The following ATP13A4 variants were observed in gnomAD, a reference collection of about 807,000 sequenced individuals.
The protein encoded by ATP13A4 is probable cation-transporting ATPase 13A4.
In ATP13A4, 114 loss-of-function variants were observed where a neutral mutation model predicts 142.5. That is an observed-to-expected ratio of 0.80 (90% CI 0.69 to 0.93). The LOEUF (loss-of-function observed/expected upper bound fraction) is 0.93. Ranked by LOEUF, ATP13A4 falls within the 40% of genes least tolerant of loss-of-function variation. The pLI, the probability that ATP13A4 is intolerant of heterozygous loss-of-function variation, is 0.00. For missense variants in ATP13A4, 1,392 were observed against 1,454.0 expected (o/e 0.96, Z 0.69); for synonymous variants, 488 against 514.8 (o/e 0.95, Z 0.70).
intron 2 of ATP13A4, among the ~76,000 whole-genome samples, chr3:193,562,115 T>C (rs1724029767): frequency 6.6e-6 from 1 of 152,052 alleles, no homozygotes; most frequent in African/African-American, 2.4e-5. Flanking sequence ...TCACCAGTGG[T>C]GTGTGTCAGT....
At chr3:193,546,256 A>G (rs1006136677) in intron 1 of ATP13A4, among the ~76,000 whole-genome samples, 1 of 152,176 alleles carries the variant, frequency 6.6e-6, no homozygotes, top group Non-Finnish European at 1.5e-5. Flanking sequence ...TCACCAGATC[A>G]TCACATTCAG....
intron 13 of ATP13A4, among the ~76,000 whole-genome samples, chr3:193,460,510 A>G (rs1281072922): frequency 6.6e-6 from 1 of 151,962 alleles, no homozygotes; most frequent in Non-Finnish European, 1.5e-5. Context: ...CTTCATATTG[A>G]CCCTGTTAGT....
intron 28 of ATP13A4, among the ~76,000 whole-genome samples, chr3:193,410,583 A>G (rs1714718220): frequency 6.6e-6 from 1 of 152,078 alleles, no homozygotes; most frequent in Non-Finnish European, 1.5e-5. Context: ...GCTGGGCATC[A>G]TGGCACACTT....
Position 193,407,455 on chromosome 3 carries a change from C to T in ATP13A4, c.3298-62G>A, listed in dbSNP as rs571574052. ...CACGCAGATGCTGGAAACATGCTCA[C>T]ATGTTCACAGCATATATTTTCCTAG... On this transcript the variant is annotated intron_variant, in intron 28 of 29. Coordinates refer to ENST00000342695, the MANE Select transcript of ATP13A4 (RefSeq NM_032279.4). The T allele has an allele frequency of 4.0e-5, 52 of 1,295,356 alleles. No homozygotes were observed. The East Asian group carries it at 1.1e-3, about 28-fold the overall frequency. The allele number at this position is 1,295,356 out of a possible 1,614,324, so 80.2% of individuals were successfully genotyped here. A position where few individuals can be genotyped will look rare whatever the true frequency, so the allele number is the denominator to read the frequency against.
chr3:193,590,976 T>C (rs1032966284), intron 1 of ATP13A4, among the ~76,000 whole-genome samples: 7 of 152,244 alleles, frequency 4.6e-5, no homozygotes, highest in African/African-American at 1.4e-4. Context: ...GAATTGAAGG[T>C]TGATGTTGTT....
intron 1 of ATP13A4, among the ~76,000 whole-genome samples, chr3:193,517,991 G>C (rs1409814726): frequency 1.3e-5 from 2 of 152,148 alleles, no homozygotes; most frequent in Non-Finnish European, 2.9e-5. Flanking sequence ...TAAACTGGAG[G>C]CTCAAAAGGA....
chr3:193,573,895 C>T (rs1724341139), intron 2 of ATP13A4, among the ~76,000 whole-genome samples: 1 of 152,148 alleles, frequency 6.6e-6, no homozygotes, highest in South Asian at 2.1e-4. Flanking sequence ...AAGTTAAGTG[C>T]TAATAATTGT....
chr3:193,514,662 G>C, intron 2 of ATP13A4, 36 bp downstream of exon 2: 1 of 1,593,538 alleles, frequency 6.3e-7, no homozygotes, highest in African/African-American at 1.3e-5. Flanking sequence ...AGAAACAAAA[G>C]GGGGGCACCA....
At chr3:193,592,832 A>G (rs1724871736) in intron 1 of ATP13A4, among the ~76,000 whole-genome samples, 1 of 152,202 alleles carries the variant, frequency 6.6e-6, no homozygotes. Context: ...GCAAATGTGC[A>G]AGCATTAGTT....
At chr3:193,502,048 G>A (rs1270018281) in intron 3 of ATP13A4, among the ~76,000 whole-genome samples, 2 of 152,110 alleles carry the variant, frequency 1.3e-5, no homozygotes, top group Non-Finnish European at 2.9e-5. Flanking sequence ...GATCACTTGA[G>A]CCCAGGAGTT....
intron 5 of ATP13A4, among the ~76,000 whole-genome samples, 188 bp from the exon 6 acceptor site, chr3:193,491,586 C>T (rs560883360): frequency 8.6e-5 from 13 of 151,606 alleles, no homozygotes; most frequent in Admixed American, 1.3e-4. Flanking sequence ...GTTGCAAAAA[C>T]GATAAATATG....
Position 193,514,747 on chromosome 3 carries a change from C to A in ATP13A4, c.185G>T (p.Cys62Phe), listed in dbSNP as rs746825257. 2.2e-5 allele frequency: 36 copies of A among 1,614,052 alleles called. No homozygotes were observed. The highest frequency in any genetic ancestry group is 3.1e-5 in the Non-Finnish European group (36 of 1,180,026). The change falls in exon 2 of 30, where the codon TGT (cysteine) becomes TTT (phenylalanine). Residue 62 changes from cysteine (C) to phenylalanine (F), a missense_variant. By Grantham distance (205) the Cys-to-Phe change is radical. Coordinates refer to ENST00000342695, the MANE Select transcript of ATP13A4 (RefSeq NM_032279.4). ...TGCTTCTTGCAAGGAACATGGGACA[C>A]AATGTGCCCATACGTGCCATGCTGG... ...WRPAWHVWAH[C>F]VPCSLQEADT...
intron 15 of ATP13A4, 91 bp from the exon 16 acceptor site, chr3:193,457,244 C>A (rs1371548780): frequency 6.3e-7 from 1 of 1,585,524 alleles, no homozygotes; most frequent in African/African-American, 1.3e-5. Flanking sequence ...TTCATTTTAA[C>A]AAATAAGGGG....
Position 193,441,509 on chromosome 3 carries a change from G to A in ATP13A4, c.2396C>T (p.Ser799Phe). The stretch of plus-strand genomic sequence containing the variant: ...GAAATGTTGACTTATAACATGAAAG[G>A]ATTTTCCAGTTAGGGCAAAATGGTA... ...GSYHFALTGK[S>F]FHVISQHFSS... The change falls in exon 20 of 30, where the codon TCC (serine) becomes TTC (phenylalanine). Residue 799 changes from serine (S) to phenylalanine (F), a missense_variant. Transcript: ENST00000342695. 6.2e-7 allele frequency: 1 copy of A among 1,613,720 alleles called. No individual in the cohort carries two copies.
chr3:193,436,718 T>C (rs556841993), intron 23 of ATP13A4, among the ~76,000 whole-genome samples: 5 of 149,716 alleles, frequency 3.3e-5, no homozygotes, highest in Non-Finnish European at 5.9e-5. Context: ...TCCCAAAGTG[T>C]TGGGATTACA....
chr3:193,556,626 T>TGG (rs369456477), upstream of ATP13A4, among the ~76,000 whole-genome samples: 5 of 151,296 alleles, frequency 3.3e-5, no homozygotes, highest in African/African-American at 7.3e-5. Flanking sequence ...AAAGGGTTTA[T>TGG]GGGGGGGGTA....
rs1381560607 is a variant in ATP13A4 at position 193,399,861 on chromosome 3, A to C, written c.*2791T>G. Among the ~76,000 whole-genome samples, 1 of 151,482 alleles carries C rather than the reference A, an allele frequency of 6.6e-6. No individual in the cohort carries two copies. The highest frequency in any genetic ancestry group is 2.4e-5 in the African/African-American group (1 of 41,228). On this transcript the variant is annotated 3_prime_UTR_variant, in exon 30 of 30. Transcript: ENST00000342695. ...ACTCCATCTCAAAAAAAAAAAAAAA[A>C]AAAAAAGGTTCACATCACAGCATAA...
intron 2 of ATP13A4, among the ~76,000 whole-genome samples, chr3:193,508,653 T>C (rs1430410117): frequency 6.6e-6 from 1 of 152,190 alleles, no homozygotes; most frequent in Non-Finnish European, 1.5e-5. Flanking sequence ...TCACAGAATC[T>C]CAGAGATTTG....
chr3:193,514,996 A>T, intron 1 of ATP13A4, 125 bp from the exon 2 acceptor site: 2 of 999,632 alleles, frequency 2.0e-6, no homozygotes, highest in Non-Finnish European at 3.1e-6. Context: ...AGGAGAGGGC[A>T]GGGTGAGGCA....
Sources: gnomAD v4.1 joint callset for allele counts (sites outside exome capture counted in the v4.1 genomes callset) on GRCh38, gnomAD v4.1.1 for gene constraint, MANE v1.5 for transcripts, NCBI Gene and HGNC (gene_info 2026-07-23, HGNC 2026-07-21) for gene names.